The following MTMR7 variants were observed in gnomAD, a reference collection of about 807,000 sequenced individuals.
MTMR7 encodes the protein myotubularin related protein 7.
A neutral mutation model predicts 81.2 loss-of-function variants in MTMR7; 76 were observed. That is an observed-to-expected ratio of 0.94 (90% CI 0.78 to 1.13). The LOEUF (loss-of-function observed/expected upper bound fraction) is 1.13. MTMR7 is among the 50% of genes most tolerant of loss of function. The pLI, the probability that MTMR7 is intolerant of heterozygous loss-of-function variation, is 0.00. For missense variants in MTMR7, 1,044 were observed against 820.0 expected, an observed-to-expected ratio of 1.27 and a Z score of -3.34; for synonymous variants, 372 against 289.8, an observed-to-expected ratio of 1.28 and a Z score of -2.88.
At chr8:17,325,084 G>A (rs1187703357) in intron 7 of MTMR7, among the ~76,000 whole-genome samples, 1 of 151,946 alleles carries the variant, frequency 6.6e-6, no homozygotes, top group Non-Finnish European at 1.5e-5. Context: ...ATAAAGACAT[G>A]AGGTACGGAA....
At chr8:17,358,749 T>G (rs545081295) in intron 4 of MTMR7, among the ~76,000 whole-genome samples, 1 of 152,310 alleles carries the variant, frequency 6.6e-6, no homozygotes, top group African/African-American at 2.4e-5. Context: ...CTGTAATTTT[T>G]AAAACAATTA....
chr8:17,386,414 C>G (rs1179184302), intron 1 of MTMR7, among the ~76,000 whole-genome samples: 1 of 152,142 alleles, frequency 6.6e-6, no homozygotes, highest in African/African-American at 2.4e-5. Context: ...GGTAATACTG[C>G]CCACAGATGA....
At chr8:17,350,427 G>C (rs369881452) in intron 4 of MTMR7, among the ~76,000 whole-genome samples, 54 of 152,306 alleles carry the variant, frequency 3.5e-4, no homozygotes, top group African/African-American at 1.3e-3. Context: ...GCGTGTGTAG[G>C]GGAACTGCCC....
chr8:17,302,704 C>CCT (rs66521951), intron 12 of MTMR7, among the ~76,000 whole-genome samples: 1 of 12,616 alleles, frequency 7.9e-5, no homozygotes, highest in African/African-American at 1.5e-4. Context: ...TTGGCAATAA[C>CCT]CCCCCCCCCC....
At chr8:17,391,260 T>G (rs753959245) in intron 1 of MTMR7, among the ~76,000 whole-genome samples, 4 of 151,848 alleles carry the variant, frequency 2.6e-5, no homozygotes, top group African/African-American at 9.7e-5. Flanking sequence ...CTGAGTAGGG[T>G]AGGAAGCAAC....
chr8:17,331,553 T>C (rs535561472), intron 6 of MTMR7, among the ~76,000 whole-genome samples: 3 of 152,316 alleles, frequency 2.0e-5, no homozygotes, highest in African/African-American at 4.8e-5. Flanking sequence ...GAGATGTCAC[T>C]TGCAGTCCCC....
intron 2 of MTMR7, 93 bp downstream of exon 2, chr8:17,373,025 C>G: frequency 6.8e-7 from 1 of 1,476,452 alleles, no homozygotes; most frequent in South Asian, 1.3e-5. Context: ...CAAAAGCCCA[C>G]CCATCTCACC....
chr8:17,361,182 C>T lies in MTMR7; in HGVS notation c.403G>A (p.Glu135Lys). The T allele has an allele frequency of 6.2e-7, 1 of 1,614,186 alleles. No individual in the cohort carries two copies. Among genetic ancestry groups the T allele is most frequent in the Non-Finnish European group, 8.5e-7 (1 of 1,180,018 alleles). Reference protein sequence around the residue: ...QGWVLIDLSEEYTRMGLPNHY... With the variant: ...QGWVLIDLSEKYTRMGLPNHY... Reference sequence around the variant, plus strand: ...TTAGGGAGGCCCATCCGCGTGTATTCTTCACTAAGATCGATCAGCACCCAG... The same window carrying T: ...TTAGGGAGGCCCATCCGCGTGTATTTTTCACTAAGATCGATCAGCACCCAG... The change falls in exon 4 of 14, where the codon GAA (glutamate) becomes AAA (lysine). Residue 135 changes from glutamate (E) to lysine (K), a missense_variant. Coordinates refer to ENST00000180173, the MANE Select transcript of MTMR7 (RefSeq NM_004686.5).
At chr8:17,389,453 C>G (rs541467580) in intron 1 of MTMR7, among the ~76,000 whole-genome samples, 1 of 152,290 alleles carries the variant, frequency 6.6e-6, no homozygotes, top group South Asian at 2.1e-4. Flanking sequence ...TACTGGCTTC[C>G]TGAAACAACA....
chr8:17,355,592 C>T (rs1352921174), intron 4 of MTMR7, among the ~76,000 whole-genome samples: 1 of 151,498 alleles, frequency 6.6e-6, no homozygotes, highest in East Asian at 1.9e-4. Flanking sequence ...AAACAGTATG[C>T]TAAAAGACAA....
chr8:17,374,176 T>C (rs1166363795), intron 1 of MTMR7, among the ~76,000 whole-genome samples: 1 of 152,208 alleles, frequency 6.6e-6, no homozygotes, highest in African/African-American at 2.4e-5. Context: ...TTGTATTCGC[T>C]CCATTCTTCA....
intron 12 of MTMR7, 177 bp from the exon 13 acceptor site, chr8:17,302,457 G>T: frequency 3.4e-6 from 2 of 583,708 alleles, no homozygotes; most frequent in Non-Finnish European, 2.8e-6. Context: ...TTTTTCTTGG[G>T]TCAGTAAATG....
intron 1 of MTMR7, among the ~76,000 whole-genome samples, chr8:17,393,904 T>C: frequency 6.6e-6 from 1 of 152,146 alleles, no homozygotes. Context: ...TCTTAACAGA[T>C]ATTTCTCCAA....
rs532127050 is a variant in MTMR7 at position 17,392,350 on chromosome 8, G to T, written c.25-19110C>A. 2.9e-4 allele frequency among the ~76,000 whole-genome samples: 44 copies of T among 152,278 alleles called. No homozygotes were observed. In the South Asian group the frequency reaches 9.1e-3, roughly 32 times the overall value. On this transcript the variant is annotated intron_variant, in intron 1 of 13. Transcript: ENST00000180173. ...AATAAATAAATAAATAATGGCTCAA[G>T]TAGACTTACATAGGAGGTTACAGTT... is the stretch of plus-strand genomic sequence containing the variant.
chr8:17,412,885 G>A (rs919945935), intron 1 of MTMR7, among the ~76,000 whole-genome samples: 16 of 152,162 alleles, frequency 1.1e-4, no homozygotes, highest in Admixed American at 6.5e-5. Flanking sequence ...ACCTGTCACC[G>A]AAAGGCTTAT....
At chr8:17,321,767 G>T (rs1818399336) in intron 7 of MTMR7, among the ~76,000 whole-genome samples, 1 of 152,158 alleles carries the variant, frequency 6.6e-6, no homozygotes, top group South Asian at 2.1e-4. Context: ...AGAGAATGGG[G>T]CTTACTAATC....
chr8:17,338,228 G>A (rs779430720), intron 6 of MTMR7, among the ~76,000 whole-genome samples: 38 of 152,176 alleles, frequency 2.5e-4, no homozygotes, highest in Non-Finnish European at 3.8e-4. Context: ...CAAACTCATC[G>A]CTGAGAGTAA....
intron 1 of MTMR7, among the ~76,000 whole-genome samples, chr8:17,404,076 G>A (rs1026627294): frequency 5.3e-5 from 8 of 152,070 alleles, no homozygotes; most frequent in Non-Finnish European, 8.8e-5. Context: ...GGAGACCCAC[G>A]AAAGAAGTCC....
chr8:17,391,537 C>G (rs1451339594), intron 1 of MTMR7, among the ~76,000 whole-genome samples: 1 of 152,142 alleles, frequency 6.6e-6, no homozygotes, highest in African/African-American at 2.4e-5. Flanking sequence ...CCAGAATGTA[C>G]AAGTGAAAGG....
Sources: allele counts gnomAD v4.1 joint callset (sites outside exome capture counted in the v4.1 genomes callset), GRCh38; gene constraint gnomAD v4.1.1; transcripts MANE v1.5; gene names NCBI Gene and HGNC (gene_info 2026-07-23, HGNC 2026-07-21).